The following CDH13 variants were observed in gnomAD, a reference collection of about 807,000 sequenced individuals.
CDH13 encodes the protein cadherin 13.
In CDH13, 24 loss-of-function variants were observed where a neutral mutation model predicts 63.8. The observed-to-expected ratio is 0.38, with a 90% CI of 0.27 to 0.53. CDH13 has a LOEUF of 0.53. CDH13 is among the 20% of genes least tolerant of loss of function. CDH13 has a pLI of 0.85. For synonymous variants in CDH13, 503 were observed against 355.3 expected, an observed-to-expected ratio of 1.42 and a Z score of -4.67; for missense variants, 1,049 against 903.1, an observed-to-expected ratio of 1.16 and a Z score of -2.07.
chr16:82,962,957 G>T (rs1409871319), intron 2 of CDH13, among the ~76,000 whole-genome samples: 1 of 152,040 alleles, frequency 6.6e-6, no homozygotes, highest in Admixed American at 6.5e-5. Flanking sequence ...TTAGTAAAAG[G>T]TGTAATTATT....
chr16:83,569,688 C>G (rs1360076779), intron 7 of CDH13, among the ~76,000 whole-genome samples: 1 of 152,156 alleles, frequency 6.6e-6, no homozygotes, highest in Admixed American at 6.5e-5. Context: ...GTCCAGGCAT[C>G]TAACTCTCTG....
chr16:83,406,838 A>G (rs1389434344), intron 6 of CDH13, among the ~76,000 whole-genome samples: 2 of 152,176 alleles, frequency 1.3e-5, no homozygotes, highest in Non-Finnish European at 2.9e-5. Flanking sequence ...TTGTCTATCA[A>G]TGAAGATAGC....
At position 82,918,273 on chromosome 16, in the gene CDH13, C is replaced by A. The variant is rs183593500; in HGVS notation, c.157+59800C>A. Among the ~76,000 whole-genome samples, 184 of 152,192 alleles carry A rather than the reference C, an allele frequency of 1.2e-3. 1 individual carries two copies. The highest frequency in any genetic ancestry group is 4.3e-3 in the African/African-American group (178 of 41,540). On this transcript the variant is annotated intron_variant, in intron 2 of 13. Coordinates refer to ENST00000567109, the MANE Select transcript of CDH13 (RefSeq NM_001257.5). ...TATAAGTGTATCCTACTGATTTAAA[C>A]GAGTTCACACCTATGAAACTAGATG...
At chr16:83,227,914 C>A (rs898204192) in intron 5 of CDH13, among the ~76,000 whole-genome samples, 2 of 152,170 alleles carry the variant, frequency 1.3e-5, no homozygotes, top group African/African-American at 2.4e-5. Flanking sequence ...AAACAACCAC[C>A]AAATCCCTGC....
chr16:83,685,569 G>C (rs901546191), intron 10 of CDH13, among the ~76,000 whole-genome samples: 3 of 152,208 alleles, frequency 2.0e-5, no homozygotes, highest in African/African-American at 7.2e-5. Flanking sequence ...AATAGTCTCT[G>C]TCTGCAGCCT....
chr16:82,744,910 G>C (rs543836793), intron 1 of CDH13, among the ~76,000 whole-genome samples: 11 of 152,130 alleles, frequency 7.2e-5, no homozygotes, highest in African/African-American at 2.7e-4. Flanking sequence ...AGAGCCTGTG[G>C]CCACCATACA....
chr16:83,682,361 G>T (rs1309391867), intron 10 of CDH13, among the ~76,000 whole-genome samples: 3 of 152,128 alleles, frequency 2.0e-5, no homozygotes, highest in Non-Finnish European at 4.4e-5. Context: ...GTGCACATGT[G>T]CAGCAGCTGT....
chr16:83,357,919 G>A (rs2091087872), intron 6 of CDH13, among the ~76,000 whole-genome samples: 1 of 152,158 alleles, frequency 6.6e-6, no homozygotes, highest in Non-Finnish European at 1.5e-5. Flanking sequence ...TTGCGAGTGG[G>A]AGATGTTGCC....
chr16:83,216,402 AT>A, intron 4 of CDH13, among the ~76,000 whole-genome samples: 1 of 50,346 alleles, frequency 2.0e-5, no homozygotes, highest in South Asian at 7.5e-4. Flanking sequence ...ATTGAAATAT[AT>A]ATATATATAT....
At chr16:82,816,027 T>C (rs2037688938) in intron 1 of CDH13, among the ~76,000 whole-genome samples, 1 of 152,130 alleles carries the variant, frequency 6.6e-6, no homozygotes, top group Admixed American at 6.6e-5. Flanking sequence ...CTGGGAAGCC[T>C]GGGTCTGATA....
chr16:83,652,067 T>C (rs1912433430), intron 8 of CDH13, among the ~76,000 whole-genome samples: 1 of 152,206 alleles, frequency 6.6e-6, no homozygotes. Context: ...ATCCATTTAT[T>C]CTCCCTCTGG....
In CDH13 at chr16:82,830,214, G is replaced by C. The variant is rs564045787; in HGVS notation, c.46-28148G>C. On this transcript the variant is annotated intron_variant, in intron 1 of 13. Coordinates refer to ENST00000567109, the MANE Select transcript of CDH13 (RefSeq NM_001257.5). ...AAAGCCACTATCTTGCCCCTTTTCT[G>C]ATTCACACTACAGGGAGGACACTTG... Among the ~76,000 whole-genome samples the C allele has an allele frequency of 3.3e-5, 5 of 152,272 alleles. No homozygotes were observed. The East Asian group carries it at 9.7e-4, about 29-fold the overall frequency.
At chr16:83,267,655 C>G (rs953489231) in intron 5 of CDH13, among the ~76,000 whole-genome samples, 2 of 152,156 alleles carry the variant, frequency 1.3e-5, no homozygotes, top group African/African-American at 4.8e-5. Flanking sequence ...CTTCCCCTTG[C>G]AAGCTCACTC....
In CDH13 at chr16:83,575,991, C is replaced by T. The variant is rs749111622; in HGVS notation, c.961-26463C>T. Among the ~76,000 whole-genome samples, 117 of 152,224 alleles carry T rather than the reference C, an allele frequency of 7.7e-4. 1 individual carries two copies. Among genetic ancestry groups the T allele is most frequent in the Non-Finnish European group, 1.3e-3 (87 of 68,010 alleles). On this transcript the variant is annotated intron_variant, in intron 7 of 13. Transcript: ENST00000567109. ...GTGAACAATTCAGTGGCGTTTAGTA[C>T]GTTAATTGATGTAAAATTCACATAA...
At chr16:83,384,306 C>T (rs942165356) in intron 6 of CDH13, among the ~76,000 whole-genome samples, 1 of 152,178 alleles carries the variant, frequency 6.6e-6, no homozygotes, top group Non-Finnish European at 1.5e-5. Flanking sequence ...TGACTGCCAC[C>T]TCTGCCTGAC....
intron 2 of CDH13, among the ~76,000 whole-genome samples, chr16:82,934,386 A>G (rs561600891): frequency 5.9e-5 from 9 of 152,268 alleles, no homozygotes; most frequent in Non-Finnish European, 8.8e-5. Context: ...CTTAGGCTGC[A>G]CACAGCTGGG....
At position 83,398,108 on chromosome 16, in the gene CDH13, G is replaced by C. The variant is rs191634090; in HGVS notation, c.781+53102G>C. On this transcript the variant is annotated intron_variant, in intron 6 of 13. Transcript: ENST00000567109. ...TACAGCAGAATCCCCAGGAGGATTT[G>C]TTTAAGTACTCATTGCTAGGCGTAC... The C allele has an allele frequency of 7.7e-5, 10 of 129,314 alleles. No homozygotes were observed. The East Asian group carries it at 2.9e-3, about 37-fold the overall frequency. 8.0% of individuals were successfully genotyped at this position (129,314 alleles called of 1,614,324 possible).
At position 82,644,242 on chromosome 16, in the gene CDH13, C is replaced by G. The variant is rs1248083071; in HGVS notation, c.45+17105C>G. On this transcript the variant is annotated intron_variant, in intron 1 of 13. Transcript: ENST00000567109. This position sits in a 1 kb window ranked among gnomAD's most constrained non-coding sequence, Gnocchi z 5.7. ...AATAGCCTAGTAATGAGAAGTCAAT[C>G]TAAGGTCTAAGGCTGGGAAAGGAGC... Among the ~76,000 whole-genome samples the G allele has an allele frequency of 6.6e-6, 1 of 152,120 alleles. No homozygotes were observed. The highest frequency in any genetic ancestry group is 2.4e-5 in the African/African-American group (1 of 41,404).
chr16:82,836,449 C>T (rs564374360), intron 1 of CDH13, among the ~76,000 whole-genome samples: 2 of 152,212 alleles, frequency 1.3e-5, no homozygotes, highest in African/African-American at 2.4e-5. Flanking sequence ...TGTGCCTGGC[C>T]AAGACGTAAT....
Sources: gnomAD v4.1 joint callset for allele counts (sites outside exome capture counted in the v4.1 genomes callset) on GRCh38, gnomAD v4.1.1 for gene constraint, Gnocchi (gnomAD v3.1) non-coding constraint, MANE v1.5 for transcripts, NCBI Gene and HGNC (gene_info 2026-07-23, HGNC 2026-07-21) for gene names.